Variants in DYRK1A observed in about 807,000 individuals in gnomAD.
The protein encoded by DYRK1A is dual specificity tyrosine-phosphorylation-regulated kinase 1A.
DYRK1A carries 9 observed loss-of-function variants against 79.7 expected under a neutral mutation model. That is an observed-to-expected ratio of 0.11 (90% CI 0.07 to 0.20). The LOEUF (loss-of-function observed/expected upper bound fraction) is 0.20. DYRK1A is among the 10% of genes least tolerant of loss of function. The probability of loss-of-function intolerance (pLI) is 1.00; values close to 1 mark genes in which losing one functional copy is unlikely to be tolerated. For synonymous variants in DYRK1A, 349 were observed against 329.7 expected, an observed-to-expected ratio of 1.06 and a Z score of -0.63; for missense variants, 622 against 956.0, an observed-to-expected ratio of 0.65 and a Z score of 4.61.
chr21:37,479,362 ATT>A (rs2052516393), intron 4 of DYRK1A, among the ~76,000 whole-genome samples: 1 of 152,134 alleles, frequency 6.6e-6, no homozygotes, highest in East Asian at 1.9e-4. Flanking sequence ...TCAATTTGTT[ATT>A]ATCTGATAAA....
At chr21:37,411,758 A>G (rs1267710573) in intron 1 of DYRK1A, among the ~76,000 whole-genome samples, 1 of 152,226 alleles carries the variant, frequency 6.6e-6, no homozygotes, top group African/African-American at 2.4e-5. Flanking sequence ...TAGAGAATAC[A>G]GATAAGAATG....
intron 1 of DYRK1A, among the ~76,000 whole-genome samples, chr21:37,398,735 A>T (rs562909758): frequency 7.7e-4 from 118 of 152,300 alleles, no homozygotes; most frequent in Non-Finnish European, 1.4e-3. Flanking sequence ...AGGAGAGAAG[A>T]CTTAAAAACT....
At chr21:37,389,891 C>T (rs2049836943) in intron 1 of DYRK1A, among the ~76,000 whole-genome samples, 1 of 151,176 alleles carries the variant, frequency 6.6e-6, no homozygotes, top group Admixed American at 6.6e-5. Flanking sequence ...CTTTTGCTCA[C>T]TTCTGTAGTA....
chr21:37,426,377 G>A (rs1242512651), intron 2 of DYRK1A, among the ~76,000 whole-genome samples: 2 of 152,082 alleles, frequency 1.3e-5, no homozygotes, highest in African/African-American at 4.8e-5. Flanking sequence ...TATTATTACT[G>A]CAGACAATGA....
intron 2 of DYRK1A, among the ~76,000 whole-genome samples, chr21:37,469,080 G>A (rs923716139): frequency 6.6e-6 from 1 of 152,138 alleles, no homozygotes; most frequent in Admixed American, 6.5e-5. Flanking sequence ...AGAGTAACTA[G>A]GAAAATGCAA....
intron 9 of DYRK1A, chr21:37,501,237 C>G (rs1453671347): frequency 7.9e-6 from 1 of 127,046 alleles, no homozygotes; most frequent in African/African-American, 3.0e-5. Context: ...GTGGTGTGAT[C>G]TCGGCTCACT....
rs368022248 is a variant in DYRK1A, at chr21:37,445,286, C to T, written c.10+24902C>T. Reference sequence around the variant, plus strand: ...GAATAATTCAACAAAACAGAATGCACACCGGAAAGTAATGGAACTATTTGT... The same window carrying T: ...GAATAATTCAACAAAACAGAATGCATACCGGAAAGTAATGGAACTATTTGT... On this transcript the variant is annotated intron_variant, in intron 2 of 11. Coordinates refer to ENST00000647188, the MANE Select transcript of DYRK1A (RefSeq NM_001347721.2). Among the ~76,000 whole-genome samples the T allele has an allele frequency of 1.2e-4, 18 of 152,280 alleles. No homozygotes were observed. In the South Asian group the frequency reaches 1.2e-3, roughly 11 times the overall value.
chr21:37,478,666 T>G (rs1391187706), intron 4 of DYRK1A, among the ~76,000 whole-genome samples: 1 of 152,174 alleles, frequency 6.6e-6, no homozygotes, highest in African/African-American at 2.4e-5. Flanking sequence ...TTTGCTAGAA[T>G]TTTTATATAT....
At position 37,490,407 on chromosome 21, in the gene DYRK1A, A is replaced by G. The variant is rs769905621; in HGVS notation, c.870A>G (p.Lys290=). 1 of 1,613,556 alleles carries G rather than the reference A, an allele frequency of 6.2e-7. No individual in the cohort carries two copies. Among genetic ancestry groups the G allele is most frequent in the Admixed American group, 1.7e-5 (1 of 59,992 alleles). Residue 290 remains lysine, a synonymous_variant, in exon 7 of 12, where the codon AAA becomes AAG. Transcript: ENST00000647188. ...KPENILLCNP[K]RSAIKIVDFG... is the part of the protein sequence containing the mutation. ...AAAATATCCTTCTTTGTAACCCCAA[A>G]CGCAGTGCAATCAAGATAGTTGACT...
chr21:37,399,440 A>T (rs2050015309), intron 1 of DYRK1A, among the ~76,000 whole-genome samples: 2 of 150,726 alleles, frequency 1.3e-5, no homozygotes, highest in African/African-American at 4.9e-5. Context: ...ATTCCTGCAG[A>T]GTTTGTGGTA....
chr21:37,458,305 T>TGTGTGTAC (rs1284724347), intron 2 of DYRK1A, among the ~76,000 whole-genome samples: 2 of 138,514 alleles, frequency 1.4e-5, no homozygotes, highest in Admixed American at 7.1e-5. Flanking sequence ...TGTGTGTGTG[T>TGTGTGTAC]GTACATATAC....
At chr21:37,488,982 G>T in intron 6 of DYRK1A, 2 of 482,424 alleles carry the variant, frequency 4.1e-6, no homozygotes, top group Non-Finnish European at 5.4e-6. Context: ...ATCGAGTTGT[G>T]CTGTAGACTC....
At chr21:37,478,675 A>G (rs2052490474) in intron 4 of DYRK1A, among the ~76,000 whole-genome samples, 1 of 152,104 alleles carries the variant, frequency 6.6e-6, no homozygotes, top group African/African-American at 2.4e-5. Context: ...ATTTTTATAT[A>G]TTTGTTTCTG....
At chr21:37,510,687 G>A (rs1034265225) in intron 11 of DYRK1A, among the ~76,000 whole-genome samples, 2 of 152,064 alleles carry the variant, frequency 1.3e-5, no homozygotes, top group Non-Finnish European at 1.5e-5. Flanking sequence ...TGGCTAGGCC[G>A]TCTTCCAGGT....
chr21:37,413,982 GCTTAAAA>G (rs2050289529), intron 1 of DYRK1A, among the ~76,000 whole-genome samples: 1 of 152,086 alleles, frequency 6.6e-6, no homozygotes, highest in Non-Finnish European at 1.5e-5. Flanking sequence ...ATAGGTGTTT[GCTTAAAA>G]TGCATTTACG....
chr21:37,451,826 C>T (rs1207722656), intron 2 of DYRK1A, among the ~76,000 whole-genome samples: 1 of 152,178 alleles, frequency 6.6e-6, no homozygotes, highest in East Asian at 1.9e-4. Context: ...GGGACCAGTT[C>T]CCTGTAAGAT....
intron 5 of DYRK1A, among the ~76,000 whole-genome samples, chr21:37,481,906 T>C (rs1477386132): frequency 1.3e-5 from 2 of 152,152 alleles, no homozygotes; most frequent in Non-Finnish European, 2.9e-5. Flanking sequence ...TTCCCAGTTG[T>C]AAGTCCTTCT....
In DYRK1A at chr21:37,519,736, G is replaced by GTTTTTTTGGTTTTTTTT. The variant is rs2053916951; in HGVS notation, c.*7212_*7213insGGTTTTTTTTTTTTTTT. On this transcript the variant is annotated 3_prime_UTR_variant, in exon 12 of 12. Transcript: ENST00000647188. ...AGAGTTTTGAGGTTTGTTGTGGGAA[G>GTTTTTTTGGTTTTTTTT]TTTTTTTTTTTTTTTTTTTTTTTGA... is the stretch of plus-strand genomic sequence containing the variant. 1.2e-5 allele frequency: 1 copy of GTTTTTTTGGTTTTTTTT among 85,802 alleles called. No homozygotes were observed. The highest frequency in any genetic ancestry group is 4.9e-5 in the African/African-American group (1 of 20,580). The allele number at this position is 85,802 out of a possible 1,614,324, so 5.3% of individuals were successfully genotyped here. A position where few individuals can be genotyped will look rare whatever the true frequency, so the allele number is the denominator to read the frequency against.
At chr21:37,509,244 CCACCCTTTGTA>C (rs1218144524) in intron 11 of DYRK1A, among the ~76,000 whole-genome samples, 2 of 152,194 alleles carry the variant, frequency 1.3e-5, no homozygotes, top group Non-Finnish European at 2.9e-5. Flanking sequence ...TATTCTTCAT[CCACCCTTTGTA>C]CACAAATAGT....
Sources: gnomAD v4.1 joint callset for allele counts (sites outside exome capture counted in the v4.1 genomes callset) on GRCh38, gnomAD v4.1.1 for gene constraint, MANE v1.5 for transcripts, NCBI Gene and HGNC (gene_info 2026-07-23, HGNC 2026-07-21) for gene names.